The following ANO9 variants were observed in gnomAD, a reference collection of about 807,000 sequenced individuals.
ANO9 encodes anoctamin-9.
Under a neutral mutation model 100.5 loss-of-function variants are expected in ANO9, and 80 were observed. The ratio of observed to expected loss-of-function variants is 0.80; its 90% confidence interval spans 0.66 to 0.96. The LOEUF is 0.96. ANO9 is among the 40% of genes least tolerant of loss of function. The pLI is 0.00. For missense variants in ANO9, 1,064 were observed against 1,072.7 expected (o/e 0.99, Z 0.11); for synonymous variants, 473 against 435.6 (o/e 1.09, Z -1.07).
At chr11:418,619 G>T (rs377149405) in intron 22 of ANO9, 30 bp from the exon 23 acceptor site, 4 of 1,611,502 alleles carry the variant, frequency 2.5e-6, no homozygotes, top group African/African-American at 1.3e-5. Context: ...GGCCCAGCAC[G>T]GTCAGGTGCC....
intron 1 of ANO9, chr11:440,455 G>A (rs534019031): frequency 6.6e-6 from 1 of 152,452 alleles, no homozygotes; most frequent in East Asian, 1.9e-4. Context: ...TCCTCCCCAT[G>A]TCTGCAACTG....
In ANO9 at chr11:418,098, G is replaced by C. The variant is rs138448794; in HGVS notation, c.*273C>G. The C allele has an allele frequency of 2.0e-3, 876 of 428,134 alleles. 4 individuals are homozygous for C. The highest frequency in any genetic ancestry group is 0.018 in the Middle Eastern group (30 of 1,626). The allele number at this position is 428,134 out of a possible 1,614,324, so 26.5% of individuals were successfully genotyped here. A position where few individuals can be genotyped will look rare whatever the true frequency, so the allele number is the denominator to read the frequency against. The stretch of plus-strand genomic sequence containing the variant: ...ATTTGCGCCAGTTTTCCTGCCTTGT[G>C]GCTGCCTGAGGAGCCCTCACTCCCA... On this transcript the variant is annotated 3_prime_UTR_variant, in exon 23 of 23. Transcript: ENST00000332826.
intron 7 of ANO9, among the ~76,000 whole-genome samples, chr11:431,328 T>G (rs1373271852): frequency 1.6e-4 from 7 of 44,350 alleles, no homozygotes; most frequent in African/African-American, 2.6e-4. Flanking sequence ...TCTGCGGGGG[T>G]GTGGGGGCTC....
chr11:430,449 G>A (rs751507730), intron 7 of ANO9, 46 bp from the exon 8 acceptor site: 6 of 1,249,706 alleles, frequency 4.8e-6, no homozygotes, highest in South Asian at 1.3e-5. Flanking sequence ...GGCGGTGGGG[G>A]AGGGACAGGA....
intron 15 of ANO9, among the ~76,000 whole-genome samples, chr11:427,036 G>A (rs1231631629): frequency 1.3e-5 from 2 of 152,310 alleles, no homozygotes; most frequent in South Asian, 4.1e-4. Context: ...GTCCCACCAG[G>A]AGAGACGTGG....
Position 432,256 on chromosome 11 carries a change from G to A in ANO9, c.351-202C>T. On this transcript the variant is annotated intron_variant, in intron 4 of 22. Transcript: ENST00000332826. This position sits in a 1 kb window ranked among gnomAD's most constrained non-coding sequence, Gnocchi z 4.8. ...CTCCTTAAAGTGCTCCCAGGGCCTGGCCTGCCCCACGGCGTCCAGGATGAG... is the reference window on the plus strand; with the variant it reads ...CTCCTTAAAGTGCTCCCAGGGCCTGACCTGCCCCACGGCGTCCAGGATGAG... The A allele has an allele frequency of 1.7e-6, 1 of 592,622 alleles. No individual in the cohort carries two copies. Among genetic ancestry groups the A allele is most frequent in the Non-Finnish European group, 3.0e-6 (1 of 336,614 alleles). The allele number at this position is 592,622 out of a possible 1,614,324, so 36.7% of individuals were successfully genotyped here.
chr11:418,699 C>G (rs747505392), intron 22 of ANO9, 21 bp downstream of exon 22: 1 of 1,612,616 alleles, frequency 6.2e-7, no homozygotes. Flanking sequence ...CACTCCGAGG[C>G]CTCTCCCGGT....
At chr11:438,445 G>A (rs115280938) in intron 1 of ANO9, among the ~76,000 whole-genome samples, 1,776 of 128,138 alleles carry the variant, frequency 0.014, 47 homozygotes, top group African/African-American at 0.043. Context: ...AGCCAGACAG[G>A]TGTAGCCACC....
chr11:421,076 G>A lies in ANO9; in HGVS notation c.1393-34C>T, dbSNP rs557080700. On this transcript the variant is annotated intron_variant, in intron 16 of 22. Transcript: ENST00000332826. The surrounding 1 kb of genome is among the most constrained non-coding windows in gnomAD (Gnocchi z 6.8). The stretch of plus-strand genomic sequence containing the variant: ...CCAGACAGGAGGAGATCAGGGAGGG[G>A]TCCTGGGGGACGGTCAGGGGAGCAG... 7.7e-5 allele frequency: 122 copies of A among 1,588,798 alleles called. No individual in the cohort carries two copies. Among genetic ancestry groups the A allele is most frequent in the Admixed American group, 1.7e-4 (10 of 59,030 alleles).
chr11:433,035 C>G, intron 4 of ANO9: 1 of 454,206 alleles, frequency 2.2e-6, no homozygotes, highest in Non-Finnish European at 3.9e-6. Flanking sequence ...CTGCCCAACC[C>G]CTAAGGCTGG....
chr11:429,889 G>T (rs1251004336), intron 9 of ANO9, 71 bp from the exon 10 acceptor site: 13 of 1,368,350 alleles, frequency 9.5e-6, no homozygotes, highest in Non-Finnish European at 1.2e-5. Flanking sequence ...GCCAGGGAGG[G>T]AGGCAGGAAA....
intron 22 of ANO9, 53 bp downstream of exon 22, chr11:418,667 T>C (rs1847987253): frequency 6.2e-7 from 1 of 1,610,940 alleles, no homozygotes; most frequent in Non-Finnish European, 8.5e-7. Flanking sequence ...GGAGAAGGAC[T>C]GGGGAGAGCA....
chr11:425,297 AAAGGCTCCC>A, intron 15 of ANO9, among the ~76,000 whole-genome samples: 2 of 151,554 alleles, frequency 1.3e-5, no homozygotes, highest in Non-Finnish European at 2.9e-5. Context: ...CGCGGGAGGA[AAAGGCTCCC>A]AAGGAAGATC....
Position 421,192 on chromosome 11 carries a change from G to A in ANO9, c.1341C>T (p.Asn447=), listed in dbSNP as rs760804824. 15 of 1,549,368 alleles carry A rather than the reference G, an allele frequency of 9.7e-6. No individual in the cohort carries two copies. The highest frequency in any genetic ancestry group is 1.3e-5 in the Non-Finnish European group (15 of 1,144,638). The change falls in exon 16 of 23, where the codon AAC becomes AAT. Residue 447 remains asparagine, a synonymous_variant. Transcript: ENST00000332826. The surrounding 1 kb of genome is among the most constrained non-coding windows in gnomAD (Gnocchi z 6.8). The part of the protein sequence containing the change: ...IYIAFILGRI[N]GHPGKSTRLA... ...GGCGCGTGGACTTCCCGGGGTGGCC[G>A]TTGATCCTGGGGAGGAAGGGGAAGT...
intron 20 of ANO9, 133 bp downstream of exon 20, chr11:419,449 C>A: frequency 6.9e-7 from 1 of 1,448,562 alleles, no homozygotes; most frequent in Non-Finnish European, 9.1e-7. Flanking sequence ...CACCCCCAGG[C>A]CCCAGCCTCA....
Position 420,492 on chromosome 11 carries a change from C to CGCCGCT in ANO9, c.1751_1756dup (p.Gln584_Arg585dup). 6.2e-7 allele frequency: 1 copy of CGCCGCT among 1,603,884 alleles called. No individual in the cohort carries two copies. The highest frequency in any genetic ancestry group is 8.5e-7 in the Non-Finnish European group (1 of 1,179,542). On this transcript the variant is annotated inframe_insertion, in exon 19 of 23. Coordinates refer to ENST00000332826, the MANE Select transcript of ANO9 (RefSeq NM_001012302.3). ...GTCCTTGGCCTTGCGCGGCACCAGGCGCCGCTGCAACCAGACCATCTTGAT... is the reference window on the plus strand; with the variant it reads ...GTCCTTGGCCTTGCGCGGCACCAGGCGCCGCTGCCGCTGCAACCAGACCATCTTGAT...
chr11:441,805 C>CA, intron 1 of ANO9, 116 bp downstream of exon 1: 19 of 1,451,650 alleles, frequency 1.3e-5, no homozygotes, highest in East Asian at 2.5e-5. Context: ...AGGGACCCCC[C>CA]CCACACACAC....
chr11:431,890 C>G lies in ANO9; in HGVS notation c.423G>C (p.Leu141=), dbSNP rs376312918. Residue 141 remains leucine (L), a synonymous_variant, in exon 6 of 23, where the codon CTG becomes CTC. Coordinates refer to ENST00000332826, the MANE Select transcript of ANO9 (RefSeq NM_001012302.3). ...KTSAGETFED[L]MKDGVFEARF... ...TGGCCTCAAAGACCCCGTCCTTCAT[C>G]AGATCCTCGAAGGTCTCTGGGTCAC... 81 of 1,610,722 alleles carry G rather than the reference C, an allele frequency of 5.0e-5. No homozygotes were observed. The highest frequency in any genetic ancestry group is 1.6e-4 in the Middle Eastern group (1 of 6,074).
chr11:436,202 G>A (rs180849699), intron 1 of ANO9, among the ~76,000 whole-genome samples: 19 of 151,746 alleles, frequency 1.3e-4, no homozygotes, highest in Middle Eastern at 6.8e-3. Flanking sequence ...CGCGTAGCTG[G>A]GATTACAGGC....
Sources: gnomAD v4.1 joint callset for allele counts (sites outside exome capture counted in the v4.1 genomes callset) on GRCh38, gnomAD v4.1.1 for gene constraint, Gnocchi (gnomAD v3.1) non-coding constraint, MANE v1.5 for transcripts, NCBI Gene and HGNC (gene_info 2026-07-23, HGNC 2026-07-21) for gene names.